Variants in TANC2 observed in about 807,000 individuals in gnomAD.
TANC2 encodes tetratricopeptide repeat, ankyrin repeat and coiled-coil containing 2.
Under a neutral mutation model 210.5 loss-of-function variants are expected in TANC2, and 26 were observed. The ratio of observed to expected loss-of-function variants is 0.12; its 90% CI spans 0.09 to 0.17. TANC2 has a LOEUF of 0.17. Among genes scored for constraint, TANC2 ranks in the 10% least tolerant of loss-of-function variants. The pLI is 1.00. For missense variants in TANC2, 2,129 were observed against 2,608.9 expected (o/e 0.82, Z 4.01); for synonymous variants, 931 against 967.1 (o/e 0.96, Z 0.69).
intron 7 of TANC2, among the ~76,000 whole-genome samples, chr17:63,206,484 TATG>T (rs1239825001): frequency 6.6e-6 from 1 of 152,144 alleles, no homozygotes; most frequent in Non-Finnish European, 1.5e-5. Context: ...ACAAACAAAA[TATG>T]ATATATACAT....
chr17:63,243,440 C>T (rs934677833), intron 8 of TANC2, among the ~76,000 whole-genome samples: 15 of 152,078 alleles, frequency 9.9e-5, no homozygotes, highest in African/African-American at 3.6e-4. Flanking sequence ...TTCATAATAT[C>T]TAAAAACTGA....
chr17:63,053,831 C>G (rs2035670472), intron 2 of TANC2, among the ~76,000 whole-genome samples: 1 of 152,192 alleles, frequency 6.6e-6, no homozygotes, highest in Non-Finnish European at 1.5e-5. Context: ...ATTTCTTTAT[C>G]TTACTCTTCT....
intron 2 of TANC2, among the ~76,000 whole-genome samples, chr17:63,018,709 C>T (rs193149574): frequency 8.6e-4 from 131 of 152,198 alleles, no homozygotes; most frequent in African/African-American, 3.0e-3. Context: ...TACCCCCTTC[C>T]CTCTCACACC....
At chr17:63,365,387 C>T (rs1479106611) in intron 14 of TANC2, among the ~76,000 whole-genome samples, 1 of 150,910 alleles carries the variant, frequency 6.6e-6, no homozygotes, top group African/African-American at 2.4e-5. Context: ...TTCCATCTCT[C>T]ATGATCATAA....
chr17:63,158,089 C>T (rs968804811), intron 5 of TANC2, among the ~76,000 whole-genome samples: 4 of 152,108 alleles, frequency 2.6e-5, no homozygotes, highest in East Asian at 3.9e-4. Flanking sequence ...TGTGTGTATG[C>T]GTGTTTATTT....
At chr17:63,192,362 G>T (rs1267413215) in intron 5 of TANC2, among the ~76,000 whole-genome samples, 3 of 152,208 alleles carry the variant, frequency 2.0e-5, no homozygotes, top group African/African-American at 7.2e-5. Flanking sequence ...GTACTTGGAA[G>T]TACTGAAAGT....
chr17:63,052,046 A>G (rs757096603), intron 2 of TANC2, among the ~76,000 whole-genome samples: 3 of 152,224 alleles, frequency 2.0e-5, no homozygotes, highest in Non-Finnish European at 2.9e-5. Context: ...GAAGAAGCAC[A>G]GAAGAGAGAA....
chr17:63,031,043 T>C (rs781461816), intron 2 of TANC2, among the ~76,000 whole-genome samples: 29 of 152,108 alleles, frequency 1.9e-4, no homozygotes, highest in Non-Finnish European at 4.0e-4. Flanking sequence ...GACATGGTTC[T>C]TGACTGCAAA....
chr17:63,143,680 A>C (rs977406947), intron 4 of TANC2, among the ~76,000 whole-genome samples: 3 of 152,068 alleles, frequency 2.0e-5, no homozygotes, highest in Non-Finnish European at 4.4e-5. Flanking sequence ...CTTTGTAACA[A>C]TTTGCTGTGT....
In TANC2 at chr17:63,032,525, T is replaced by G. The variant is rs114062857; in HGVS notation, c.67+22899T>G. 3.7e-3 allele frequency among the ~76,000 whole-genome samples: 557 copies of G among 152,194 alleles called. 7 individuals are homozygous for G. The highest frequency in any genetic ancestry group is 0.013 in the African/African-American group (546 of 41,526). ...GCAGCAGCATCCAGGCAAGAGATAA[T>G]GAGGGTCTGAACTAAGAGCCTGGTG... is the stretch of plus-strand genomic sequence containing the variant. On this transcript the variant is annotated intron_variant, in intron 2 of 27. Transcript: ENST00000689528.
At position 63,254,620 on chromosome 17, in the gene TANC2, A is replaced by G. The variant is rs143264080; in HGVS notation, c.1034-13128A>G. On this transcript the variant is annotated intron_variant, in intron 8 of 27. Transcript: ENST00000689528. ...GATACTAGCTATGAGTCTGTCGTAT[A>G]TGTCTTTTATTGTGTTTAGGTATGT... Among the ~76,000 whole-genome samples the G allele has an allele frequency of 3.9e-3, 597 of 152,176 alleles. 12 individuals carry two copies. The highest frequency in any genetic ancestry group is 0.037 in the Admixed American group (562 of 15,294).
chr17:63,390,598 A>T (rs1200326182), intron 17 of TANC2: 2 of 152,186 alleles, frequency 1.3e-5, no homozygotes, highest in African/African-American at 4.8e-5. Flanking sequence ...AGTAGCCAGG[A>T]GTATAGGTAT....
At position 63,098,434 on chromosome 17, in the gene TANC2, A is replaced by G. The variant is rs1442219368; in HGVS notation, c.140-741A>G. 2.4e-4 allele frequency among the ~76,000 whole-genome samples: 4 copies of G among 16,454 alleles called. No individual in the cohort carries two copies. In the East Asian group the frequency reaches 0.024, roughly 97 times the overall value. 10.8% of individuals were successfully genotyped at this position (16,454 alleles called of 152,430 possible). A position where few individuals can be genotyped will look rare whatever the true frequency, so the allele number is the denominator to read the frequency against. On this transcript the variant is annotated intron_variant, in intron 3 of 27. Coordinates refer to ENST00000689528, the Ensembl canonical transcript of TANC2. ...CACCCCTTGGTGGGCCTTAGACTAC[A>G]CACACACACACACACACACACACAC... is the stretch of plus-strand genomic sequence containing the variant.
chr17:63,197,247 TAAG>T (rs1022388185), intron 6 of TANC2, among the ~76,000 whole-genome samples: 7 of 152,146 alleles, frequency 4.6e-5, no homozygotes, highest in Non-Finnish European at 8.8e-5. Flanking sequence ...ACCAGGTTGA[TAAG>T]GAGTAAATGA....
In TANC2 at chr17:63,399,980, T is replaced by A. The variant is rs534402541; in HGVS notation, c.3331+1066T>A. ...GAGTCCATGACAGATTAAAGGAAAG[T>A]GTACAGCTGGAAACAGCTGCTGTCT... On this transcript the variant is annotated intron_variant, in intron 19 of 27. Coordinates refer to ENST00000689528, the Ensembl canonical transcript of TANC2. Among the ~76,000 whole-genome samples, 7 of 152,306 alleles carry A rather than the reference T, an allele frequency of 4.6e-5. No homozygotes were observed. The South Asian group carries it at 1.4e-3, about 32-fold the overall frequency.
At chr17:63,344,986 G>A (rs1173997426) in intron 12 of TANC2, among the ~76,000 whole-genome samples, 1 of 152,092 alleles carries the variant, frequency 6.6e-6, no homozygotes, top group African/African-American at 2.4e-5. Context: ...CAAACCACAG[G>A]GAGAGTCTAG....
At chr17:63,060,478 GGGC>G (rs1346141447) in intron 2 of TANC2, among the ~76,000 whole-genome samples, 2 of 152,104 alleles carry the variant, frequency 1.3e-5, no homozygotes, top group Non-Finnish European at 2.9e-5. Flanking sequence ...AAAATTAGCT[GGGC>G]ATGGTGGTGG....
At chr17:63,045,663 A>G (rs1162021146) in intron 2 of TANC2, among the ~76,000 whole-genome samples, 1 of 152,030 alleles carries the variant, frequency 6.6e-6, no homozygotes, top group Admixed American at 6.6e-5. Flanking sequence ...TTTCCCCACC[A>G]TATTTGTTGT....
At chr17:63,004,130 GT>G (rs2033506761) in intron 1 of TANC2, among the ~76,000 whole-genome samples, 1 of 152,184 alleles carries the variant, frequency 6.6e-6, no homozygotes, top group Admixed American at 6.6e-5. Flanking sequence ...TTTAGCTGTT[GT>G]TTAACAACTT....
Sources: allele counts gnomAD v4.1 joint callset (sites outside exome capture counted in the v4.1 genomes callset), GRCh38; gene constraint gnomAD v4.1.1; transcripts MANE v1.5; gene names NCBI Gene and HGNC (gene_info 2026-07-23, HGNC 2026-07-21).